SYDE2: variants seen among roughly 807,000 people sequenced by gnomAD.
SYDE2 encodes synapse defective Rho GTPase homolog 2, also known as rho GTPase-activating protein SYDE2.
In SYDE2, 76 loss-of-function variants were observed where a neutral mutation model predicts 91.5. The observed-to-expected ratio is 0.83, with a 90% CI of 0.69 to 1.01. SYDE2 has a LOEUF of 1.01. SYDE2 is among the 50% of genes least tolerant of loss of function. The pLI, the probability that SYDE2 is intolerant of heterozygous loss-of-function variation, is 0.00. For missense variants in SYDE2, 1,364 were observed against 1,367.7 expected, an observed-to-expected ratio of 1.00 and a Z score of 0.04; for synonymous variants, 513 against 506.4, an observed-to-expected ratio of 1.01 and a Z score of -0.18.
intron 1 of SYDE2, 42 bp from the exon 2 acceptor site, chr1:85,190,794 T>C: frequency 1.3e-6 from 2 of 1,492,122 alleles, no homozygotes; most frequent in Non-Finnish European, 1.8e-6. Flanking sequence ...TAATGGCTGG[T>C]ATATCAGAAA....
chr1:85,190,022 A>G, intron 2 of SYDE2, 35 bp downstream of exon 2: 1 of 1,460,732 alleles, frequency 6.8e-7, no homozygotes, highest in Non-Finnish European at 9.2e-7. Flanking sequence ...CAAAAATGGA[A>G]GAAGAAAGAA....
At position 85,157,081 on chromosome 1, in the gene SYDE2, A is replaced by C. The variant is rs1656899785; in HGVS notation, c.*1669T>G. The C allele has an allele frequency of 6.6e-6, 1 of 151,994 alleles. No homozygotes were observed. The highest frequency in any genetic ancestry group is 6.5e-5 in the Admixed American group (1 of 15,278). The allele number at this position is 151,994 out of a possible 1,614,324, so 9.4% of individuals were successfully genotyped here. On this transcript the variant is annotated 3_prime_UTR_variant, in exon 7 of 7. Coordinates refer to ENST00000341460, the MANE Select transcript of SYDE2 (RefSeq NM_032184.2). ...AAAAATGAAAATTTCATATAAAAAT[A>C]TTTATCTTTTTTAACAATGGGTTTT...
intron 2 of SYDE2, among the ~76,000 whole-genome samples, chr1:85,188,839 G>A (rs1369990972): frequency 6.6e-6 from 1 of 151,844 alleles, no homozygotes; most frequent in Non-Finnish European, 1.5e-5. Flanking sequence ...CTGGAAATAG[G>A]CTTCTCCCAT....
In SYDE2 at chr1:85,159,243, C is replaced by T. The variant is rs573859081; in HGVS notation, c.3092G>A (p.Arg1031His). The change falls in exon 7 of 7, where the codon CGT becomes CAT. Residue 1031 changes from arginine to histidine, a missense_variant. By Grantham distance (29) the Arg-to-His change is conservative. Coordinates refer to ENST00000341460, the MANE Select transcript of SYDE2 (RefSeq NM_032184.2). ...HYLLQLWPVQ[R>H]LTVKKSTDNL... ...GTCTGTTGATTTTTTGACAGTTAAA[C>T]GCTGCACTAGAAACAAACAATAATT... is the stretch of plus-strand genomic sequence containing the variant. The T allele has an allele frequency of 2.6e-5, 20 of 779,358 alleles. No individual in the cohort carries two copies. The highest frequency in any genetic ancestry group is 3.4e-5 in the Admixed American group (2 of 58,888). 48.3% of individuals were successfully genotyped at this position (779,358 alleles called of 1,614,324 possible).
chr1:85,161,963 C>T lies in SYDE2; in HGVS notation c.3085+2563G>A, dbSNP rs1657078408. ...GAAGTGTGTTTCCATTTTGTTCCCC[C>T]ATCCCTTGCTGATCTGGCTTCTAAG... On this transcript the variant is annotated intron_variant, in intron 6 of 6. Transcript: ENST00000341460. 3.9e-5 allele frequency among the ~76,000 whole-genome samples: 6 copies of T among 152,088 alleles called. No individual in the cohort carries two copies. In the South Asian group the frequency reaches 1.2e-3, roughly 31 times the overall value.
In SYDE2 at chr1:85,183,100, C is replaced by A. The variant is rs41289747; in HGVS notation, c.1542G>T (p.Trp514Cys). The change falls in exon 3 of 7, where the codon TGG becomes TGT. Residue 514 changes from tryptophan to cysteine, a missense_variant. Trp to Cys is a radical substitution (Grantham distance 215, BLOSUM62 -2). Coordinates refer to ENST00000341460, the MANE Select transcript of SYDE2 (RefSeq NM_032184.2). ...GAGATTTTATTTTATCTGGCAATGA[C>A]CAATTAATTGAACTGCCTTTTTTCA... ...SPVKKGSSIN[W>C]SLPDKIKSPR... The A allele has an allele frequency of 1.6e-4, 260 of 1,613,322 alleles. 1 individual carries two copies. Among genetic ancestry groups the A allele is most frequent in the Non-Finnish European group, 2.0e-4 (240 of 1,179,734 alleles).
chr1:85,197,339 C>G (rs1367907487), intron 1 of SYDE2, among the ~76,000 whole-genome samples: 1 of 152,154 alleles, frequency 6.6e-6, no homozygotes, highest in Non-Finnish European at 1.5e-5. Context: ...CATATAGTCT[C>G]AAAAATTTTC....
chr1:85,161,365 T>C (rs1657049753), intron 6 of SYDE2, among the ~76,000 whole-genome samples: 1 of 151,968 alleles, frequency 6.6e-6, no homozygotes, highest in Admixed American at 6.6e-5. Context: ...AAAGATGAAA[T>C]AAAAAGAAAT....
At chr1:85,169,717 A>C (rs1657429786) in intron 4 of SYDE2, among the ~76,000 whole-genome samples, 1 of 152,208 alleles carries the variant, frequency 6.6e-6, no homozygotes, top group Admixed American at 6.5e-5. Flanking sequence ...GAAATGTCTT[A>C]AACCGATATA....
chr1:85,200,223 G>GC, intron 1 of SYDE2, 29 bp downstream of exon 1: 1 of 1,613,518 alleles, frequency 6.2e-7, no homozygotes, highest in Non-Finnish European at 8.5e-7. Context: ...GGCTCGCGGT[G>GC]CTAGCATTTT....
At chr1:85,174,972 C>T (rs1657640237) in intron 4 of SYDE2, among the ~76,000 whole-genome samples, 1 of 151,846 alleles carries the variant, frequency 6.6e-6, no homozygotes, top group Admixed American at 6.6e-5. Context: ...TAAAGTTTTC[C>T]GTGAATGGCA....
At chr1:85,172,533 G>T (rs1198077241) in intron 4 of SYDE2, among the ~76,000 whole-genome samples, 1 of 152,096 alleles carries the variant, frequency 6.6e-6, no homozygotes, top group African/African-American at 2.4e-5. Flanking sequence ...ATAGGGACTA[G>T]ATTTACCTTC....
At chr1:85,154,488 C>T (rs1656833735), downstream of SYDE2, among the ~76,000 whole-genome samples, 1 of 112,314 alleles carries the variant, frequency 8.9e-6, no homozygotes, top group Non-Finnish European at 1.9e-5. Flanking sequence ...GCACCATCAC[C>T]AAGTACAGAG....
intron 5 of SYDE2, among the ~76,000 whole-genome samples, chr1:85,167,453 T>G (rs1657328652): frequency 6.6e-6 from 1 of 152,172 alleles, no homozygotes; most frequent in Admixed American, 6.5e-5. Context: ...ATCACACAGT[T>G]ATTGACTGAT....
At chr1:85,160,054 T>C (rs942926713) in intron 6 of SYDE2, 1 of 984,506 alleles carries the variant, frequency 1.0e-6, no homozygotes, top group Non-Finnish European at 1.2e-6. Flanking sequence ...TTGAACAAAA[T>C]ATTTAAGGCT....
chr1:85,189,913 T>C, intron 2 of SYDE2, 144 bp downstream of exon 2: 3 of 670,552 alleles, frequency 4.5e-6, no homozygotes, highest in Non-Finnish European at 2.4e-6. Flanking sequence ...TAAAACTTTT[T>C]GAGTTTTATT....
intron 1 of SYDE2, chr1:85,195,012 T>G (rs923505028): frequency 5.8e-6 from 1 of 172,288 alleles, no homozygotes; most frequent in South Asian, 1.9e-4. Flanking sequence ...TCCAAAAAAT[T>G]AGCCGAGCAT....
chr1:85,188,184 C>G (rs773618608), intron 2 of SYDE2, among the ~76,000 whole-genome samples: 49 of 152,066 alleles, frequency 3.2e-4, no homozygotes, highest in Non-Finnish European at 5.7e-4. Context: ...CCCTATCACT[C>G]CACCCTGATC....
At chr1:85,196,256 G>C (rs189002782) in intron 1 of SYDE2, among the ~76,000 whole-genome samples, 188 of 152,250 alleles carry the variant, frequency 1.2e-3, no homozygotes, top group African/African-American at 4.4e-3. Flanking sequence ...GGATGTGAGA[G>C]CTCTAGAAGC....
Sources: allele counts gnomAD v4.1 joint callset (sites outside exome capture counted in the v4.1 genomes callset), GRCh38; gene constraint gnomAD v4.1.1; transcripts MANE v1.5; gene names NCBI Gene and HGNC (gene_info 2026-07-23, HGNC 2026-07-21).